FAM20B: variants seen among roughly 807,000 people sequenced by gnomAD.
FAM20B encodes glycosaminoglycan xylosylkinase.
A neutral mutation model predicts 43.8 loss-of-function variants in FAM20B; 23 were observed. That is an observed-to-expected ratio of 0.53 (90% CI 0.38 to 0.74). FAM20B has a LOEUF of 0.74. FAM20B is among the 30% of genes least tolerant of loss of function. The pLI is 0.00. For synonymous variants in FAM20B, 178 were observed against 192.4 expected (o/e 0.93, Z 0.62); for missense variants, 440 against 510.5 (o/e 0.86, Z 1.33).
Position 179,050,247 on chromosome 1 carries a change from G to A in FAM20B, c.378-32G>A, listed in dbSNP as rs756250085. 47 of 1,483,378 alleles carry A rather than the reference G, an allele frequency of 3.2e-5. No homozygotes were observed. The Admixed American group carries it at 3.5e-4, about 11-fold the overall frequency. The allele number at this position is 1,483,378 out of a possible 1,614,324, so 91.9% of individuals were successfully genotyped here. ...GTCACCTGTTACTGGTGTAATCCAC[G>A]TATACATCTGTGCTTCCCATTCACT... On this transcript the variant is annotated intron_variant, in intron 2 of 7. Transcript: ENST00000263733.
chr1:179,068,846 T>C (rs1651800836), intron 7 of FAM20B, among the ~76,000 whole-genome samples: 1 of 152,152 alleles, frequency 6.6e-6, no homozygotes, highest in South Asian at 2.1e-4. Context: ...GACTGGAGTT[T>C]GGACTTCAGT....
rs1439156096 is a variant in FAM20B, at chr1:179,074,794, G to C, written c.*2650G>C. 1.3e-5 allele frequency: 2 copies of C among 152,206 alleles called. No homozygotes were observed. The highest frequency in any genetic ancestry group is 2.9e-5 in the Non-Finnish European group (2 of 68,042). The allele number at this position is 152,206 out of a possible 1,614,324, so 9.4% of individuals were successfully genotyped here. A position where few individuals can be genotyped will look rare whatever the true frequency, so the allele number is the denominator to read the frequency against. ...AAATTTTTGTTGTAAGTCAGGATTG[G>C]AGTAAGCTGGAAAAGTATGTTTAGG... On this transcript the variant is annotated 3_prime_UTR_variant, in exon 8 of 8. Transcript: ENST00000263733.
chr1:179,043,053 C>T (rs891762007), intron 1 of FAM20B, among the ~76,000 whole-genome samples: 1 of 152,178 alleles, frequency 6.6e-6, no homozygotes, highest in African/African-American at 2.4e-5. Context: ...CCCTTTCCGC[C>T]CAGGAGCCTG....
chr1:179,065,450 A>G (rs1266680054), intron 6 of FAM20B, among the ~76,000 whole-genome samples: 1 of 152,184 alleles, frequency 6.6e-6, no homozygotes, highest in Non-Finnish European at 1.5e-5. Context: ...TTTAATAAAT[A>G]TTTACTAAAT....
chr1:179,025,167 G>C (rs552414888), upstream of FAM20B, among the ~76,000 whole-genome samples: 7 of 152,326 alleles, frequency 4.6e-5, no homozygotes, highest in East Asian at 7.7e-4. Context: ...TCATTCACAC[G>C]ATTTATCCGC....
At chr1:179,041,586 G>C (rs1650536038) in intron 1 of FAM20B, among the ~76,000 whole-genome samples, 2 of 151,846 alleles carry the variant, frequency 1.3e-5, no homozygotes, top group South Asian at 4.2e-4. Flanking sequence ...GTACAGTCCA[G>C]CTTCGGCTCG....
At chr1:179,066,914 G>A in intron 7 of FAM20B, 55 bp downstream of exon 7, 1 of 1,260,274 alleles carries the variant, frequency 7.9e-7, no homozygotes, top group Non-Finnish European at 1.2e-6. Flanking sequence ...TCCAGGCTCA[G>A]GTAACAGTAC....
In FAM20B at chr1:179,049,185, A is replaced by G. The variant is rs1231935950; in HGVS notation, c.378-1094A>G. Among the ~76,000 whole-genome samples, 5 of 152,194 alleles carry G rather than the reference A, an allele frequency of 3.3e-5. No individual in the cohort carries two copies. The East Asian group carries it at 9.6e-4, about 29-fold the overall frequency. On this transcript the variant is annotated intron_variant, in intron 2 of 7. Coordinates refer to ENST00000263733, the MANE Select transcript of FAM20B (RefSeq NM_014864.4). ...GTCTTCATTATCCTTTGCTTATGTCATACATGTGATAGAAAATCATCAGAA... is the reference window on the plus strand; with the variant it reads ...GTCTTCATTATCCTTTGCTTATGTCGTACATGTGATAGAAAATCATCAGAA...
chr1:179,030,068 C>T (rs1649943686), intron 1 of FAM20B, among the ~76,000 whole-genome samples: 1 of 152,166 alleles, frequency 6.6e-6, no homozygotes, highest in Non-Finnish European at 1.5e-5. Flanking sequence ...TTGCTGCCCT[C>T]TTTTAAATTT....
intron 1 of FAM20B, chr1:179,035,340 A>G: frequency 1.5e-6 from 1 of 688,644 alleles, no homozygotes; most frequent in Non-Finnish European, 2.7e-6. Flanking sequence ...GTGGGGCAGC[A>G]CCCACAGGTC....
intron 1 of FAM20B, among the ~76,000 whole-genome samples, chr1:179,040,920 TC>T (rs1650481577): frequency 6.9e-6 from 1 of 145,328 alleles, no homozygotes; most frequent in Admixed American, 6.8e-5. Context: ...GCAGAGACGC[TC>T]CTCACCTCCC....
At chr1:179,064,239 C>T in intron 5 of FAM20B, 66 bp from the exon 6 acceptor site, 1 of 1,464,654 alleles carries the variant, frequency 6.8e-7, no homozygotes, top group Non-Finnish European at 9.4e-7. Flanking sequence ...ACTCTGTCTT[C>T]TCTTTGTGTG....
chr1:179,038,897 G>T (rs979017218), intron 1 of FAM20B, among the ~76,000 whole-genome samples: 9 of 152,214 alleles, frequency 5.9e-5, no homozygotes, highest in Non-Finnish European at 1.0e-4. Context: ...CTCACTTTCT[G>T]CTTCCTTCAT....
intron 4 of FAM20B, among the ~76,000 whole-genome samples, chr1:179,059,581 T>A (rs1651369565): frequency 6.6e-6 from 1 of 152,224 alleles, no homozygotes; most frequent in Non-Finnish European, 1.5e-5. Flanking sequence ...GATTGTATCC[T>A]ATAGGAAACA....
the FAM20B span, among the ~76,000 whole-genome samples, chr1:179,017,438 C>CT: frequency 2.0e-5 from 3 of 152,082 alleles, no homozygotes; most frequent in Admixed American, 6.6e-5. Flanking sequence ...TTACTTTTGA[C>CT]TTTTTTTTCA....
At position 179,064,497 on chromosome 1, in the gene FAM20B, G is replaced by A; in HGVS notation, c.938+1G>A. Reference sequence around the variant, plus strand: ...TCATCCTTCTTGATAATGCCAAAAGGTGAGACCAGCAGGACTGTCCTTGTC... The same window carrying A: ...TCATCCTTCTTGATAATGCCAAAAGATGAGACCAGCAGGACTGTCCTTGTC... On this transcript the variant is annotated splice_donor_variant, in intron 6 of 7. Transcript: ENST00000263733. LOFTEE classifies it high-confidence loss of function. 1 of 1,611,180 alleles carries A rather than the reference G, an allele frequency of 6.2e-7. No homozygotes were observed. The highest frequency in any genetic ancestry group is 1.1e-5 in the South Asian group (1 of 90,960).
chr1:179,051,896 C>T (rs1651023472), intron 3 of FAM20B, among the ~76,000 whole-genome samples: 1 of 152,096 alleles, frequency 6.6e-6, no homozygotes. Flanking sequence ...GATCCGCCCA[C>T]CTCAGCCTCC....
chr1:179,040,447 C>T (rs542262322), intron 1 of FAM20B, among the ~76,000 whole-genome samples: 1 of 149,534 alleles, frequency 6.7e-6, no homozygotes, highest in Non-Finnish European at 1.5e-5. Context: ...CGGGCAGAGG[C>T]GCCCCTCACC....
At chr1:179,018,427 C>T in the FAM20B span, among the ~76,000 whole-genome samples, 4 of 152,166 alleles carry the variant, frequency 2.6e-5, no homozygotes, top group Admixed American at 6.5e-5. Flanking sequence ...ATGCCTCAGC[C>T]TCCCGAGTAG....
Sources: gnomAD v4.1 joint callset for allele counts (sites outside exome capture counted in the v4.1 genomes callset) on GRCh38, gnomAD v4.1.1 for gene constraint, MANE v1.5 for transcripts, NCBI Gene and HGNC (gene_info 2026-07-23, HGNC 2026-07-21) for gene names.